Variants in ODF2L observed in about 807,000 individuals in gnomAD.
The protein encoded by ODF2L is protein BCAP.
A neutral mutation model predicts 86.3 loss-of-function variants in ODF2L; 76 were observed. That is an observed-to-expected ratio of 0.88 (90% CI 0.73 to 1.07). ODF2L has a LOEUF of 1.07. Among genes scored for constraint, ODF2L ranks in the 50% least tolerant of loss-of-function variants. The pLI, the probability that ODF2L is intolerant of heterozygous loss-of-function variation, is 0.00. For missense variants in ODF2L, 748 were observed against 717.4 expected, an observed-to-expected ratio of 1.04 and a Z score of -0.49; for synonymous variants, 241 against 231.3, an observed-to-expected ratio of 1.04 and a Z score of -0.38.
exon 18 of ODF2L, chr1:86,351,906 T>C (rs1047664619): frequency 1.0e-5 from 12 of 1,146,418 alleles, no homozygotes; most frequent in Non-Finnish European, 1.2e-5. Flanking sequence ...ACTAGGGACA[T>C]TACAGCAAAA....
intron 1 of ODF2L, among the ~76,000 whole-genome samples, chr1:86,394,984 G>A (rs1220310223): frequency 6.6e-6 from 1 of 151,994 alleles, no homozygotes; most frequent in Non-Finnish European, 1.5e-5. Context: ...GGGACTACGG[G>A]CGCCCGCCAC....
At chr1:86,368,119 C>G (rs1659567144) in intron 11 of ODF2L, among the ~76,000 whole-genome samples, 1 of 152,138 alleles carries the variant, frequency 6.6e-6, no homozygotes, top group Non-Finnish European at 1.5e-5. Flanking sequence ...ACACTAGCAG[C>G]ACTAGGGAAG....
At chr1:86,350,100 CTTTAT>C (rs1356125880) in exon 18 of ODF2L, 1 of 357,656 alleles carries the variant, frequency 2.8e-6, no homozygotes, top group Non-Finnish European at 3.9e-6. Flanking sequence ...AACATCAGAT[CTTTAT>C]TTTTTTTAAT....
intron 10 of ODF2L, among the ~76,000 whole-genome samples, chr1:86,370,200 T>C (rs138530433): frequency 6.6e-6 from 1 of 152,158 alleles, no homozygotes; most frequent in East Asian, 1.9e-4. Context: ...CCACAGAATA[T>C]ATCTGCAATA....
At chr1:86,394,370 C>G (rs1424701548) in intron 1 of ODF2L, among the ~76,000 whole-genome samples, 1 of 149,702 alleles carries the variant, frequency 6.7e-6, no homozygotes, top group Non-Finnish European at 1.5e-5. Flanking sequence ...GAGCCGAGAT[C>G]GCGCCACTGC....
intron 8 of ODF2L, among the ~76,000 whole-genome samples, chr1:86,374,652 T>C (rs1187225342): frequency 6.6e-6 from 1 of 152,156 alleles, no homozygotes; most frequent in Non-Finnish European, 1.5e-5. Flanking sequence ...TCTCTCCTTA[T>C]AACATGCAGA....
chr1:86,380,085 T>C (rs1411390726), intron 7 of ODF2L, among the ~76,000 whole-genome samples: 1 of 152,222 alleles, frequency 6.6e-6, no homozygotes, highest in Non-Finnish European at 1.5e-5. Flanking sequence ...AATACTGAAA[T>C]GAATGTGAAA....
intron 10 of ODF2L, among the ~76,000 whole-genome samples, chr1:86,370,503 A>C (rs1659717541): frequency 6.6e-6 from 1 of 152,152 alleles, no homozygotes; most frequent in South Asian, 2.1e-4. Flanking sequence ...AAATGATGCC[A>C]TCATCTTTCA....
chr1:86,376,108 A>C (rs562674903), intron 8 of ODF2L, 125 bp downstream of exon 8: 6 of 485,554 alleles, frequency 1.2e-5, no homozygotes, highest in East Asian at 3.1e-5. Context: ...AAAAAGTGTA[A>C]GTTTTTTCTG....
intron 13 of ODF2L, chr1:86,358,359 C>T (rs990406802): frequency 1.3e-5 from 2 of 152,410 alleles, no homozygotes; most frequent in Non-Finnish European, 2.9e-5. Flanking sequence ...AGGAAATGAT[C>T]GTTTTTTAAA....
exon 4 of ODF2L, chr1:86,384,724 A>T (rs756493019): frequency 3.3e-6 from 5 of 1,531,882 alleles, no homozygotes; most frequent in Non-Finnish European, 4.4e-6. Context: ...CTAGTTTTAC[A>T]CTTTTGAAGG....
intron 7 of ODF2L, among the ~76,000 whole-genome samples, chr1:86,378,533 C>G (rs1159099696): frequency 2.6e-5 from 4 of 152,182 alleles, no homozygotes; most frequent in Non-Finnish European, 5.9e-5. Flanking sequence ...ATACCTGAGA[C>G]TGGGTGATTT....
chr1:86,347,836 G>GT (rs1657888224), downstream of ODF2L: 1 of 152,180 alleles, frequency 6.6e-6, no homozygotes, highest in Non-Finnish European at 1.5e-5. Flanking sequence ...TCCCCTTTTA[G>GT]AGTATCCTGC....
intron 1 of ODF2L, among the ~76,000 whole-genome samples, 171 bp from the exon 2 acceptor site, chr1:86,387,257 A>G (rs888218906): frequency 1.3e-5 from 2 of 152,240 alleles, no homozygotes; most frequent in Non-Finnish European, 2.9e-5. Flanking sequence ...TCAAAATTTC[A>G]TAGCACAACC....
At chr1:86,392,578 A>G (rs919895062) in intron 1 of ODF2L, among the ~76,000 whole-genome samples, 3 of 152,196 alleles carry the variant, frequency 2.0e-5, no homozygotes, top group African/African-American at 4.8e-5. Context: ...ACCAAACATC[A>G]TATGTTCTTA....
intron 1 of ODF2L, among the ~76,000 whole-genome samples, chr1:86,392,047 C>T (rs1661369878): frequency 6.6e-6 from 1 of 152,114 alleles, no homozygotes; most frequent in African/African-American, 2.4e-5. Context: ...ATAGACAATT[C>T]TCAAATGAAT....
chr1:86,385,625 A>G, intron 2 of ODF2L, 35 bp from the exon 3 acceptor site: 3 of 1,562,258 alleles, frequency 1.9e-6, no homozygotes, highest in Non-Finnish European at 2.6e-6. Flanking sequence ...TTTAAGTTAA[A>G]TCCATTTCAT....
chr1:86,369,846 G>A (rs1309766973), intron 10 of ODF2L, among the ~76,000 whole-genome samples: 1 of 152,088 alleles, frequency 6.6e-6, no homozygotes, highest in African/African-American at 2.4e-5. Context: ...TTTAGAAAGG[G>A]TAAAAGAGAT....
intron 1 of ODF2L, among the ~76,000 whole-genome samples, chr1:86,393,324 CT>C (rs995221308): frequency 1.8e-4 from 28 of 151,486 alleles, no homozygotes; most frequent in Admixed American, 8.6e-4. Context: ...CAGGAATCCT[CT>C]TTTTTTCCCC....
Sources: gnomAD v4.1 joint callset for allele counts (sites outside exome capture counted in the v4.1 genomes callset) on GRCh38, gnomAD v4.1.1 for gene constraint, MANE v1.5 for transcripts, NCBI Gene and HGNC (gene_info 2026-07-23, HGNC 2026-07-21) for gene names.